The following KALRN variants were observed in gnomAD, a reference collection of about 807,000 sequenced individuals.
KALRN encodes the protein kalirin.
Under a neutral mutation model 353.7 loss-of-function variants are expected in KALRN, and 70 were observed. That is an observed-to-expected ratio of 0.20 (90% confidence interval 0.16 to 0.24). KALRN has a LOEUF of 0.24. Ranked by LOEUF, KALRN falls within the 10% of genes least tolerant of loss-of-function variation. The pLI is 1.00. For synonymous variants in KALRN, 1,391 were observed against 1,434.8 expected (o/e 0.97, Z 0.69); for missense variants, 2,791 against 3,756.7 (o/e 0.74, Z 6.72).
intron 1 of KALRN, among the ~76,000 whole-genome samples, chr3:124,130,045 C>G (rs2065106591): frequency 1.3e-5 from 2 of 152,182 alleles, no homozygotes; most frequent in South Asian, 4.1e-4. Flanking sequence ...TGAATAACAA[C>G]TCACTTACCT....
intron 37 of KALRN, among the ~76,000 whole-genome samples, chr3:124,642,053 G>A (rs979984315): frequency 3.9e-5 from 6 of 152,108 alleles, no homozygotes; most frequent in Admixed American, 1.3e-4. Flanking sequence ...AGGCCAAAGC[G>A]GGCAGATTGC....
At chr3:124,337,323 A>T (rs1165278719) in intron 9 of KALRN, among the ~76,000 whole-genome samples, 1 of 117,432 alleles carries the variant, frequency 8.5e-6, no homozygotes, top group African/African-American at 3.6e-5. Flanking sequence ...TTATTTTGAG[A>T]TACCTAGTTT....
intron 1 of KALRN, among the ~76,000 whole-genome samples, chr3:124,155,570 T>C (rs943778175): frequency 6.6e-5 from 10 of 152,278 alleles, no homozygotes; most frequent in African/African-American, 2.2e-4. Context: ...TTTAATAGAA[T>C]CATAGTATGA....
intron 1 of KALRN, among the ~76,000 whole-genome samples, chr3:124,108,957 T>G (rs1292275460): frequency 1.3e-5 from 2 of 152,170 alleles, no homozygotes; most frequent in Non-Finnish European, 2.9e-5. Flanking sequence ...TGCAGGTAAT[T>G]CAACCCAAAC....
At chr3:124,287,378 C>A (rs1377201902) in intron 5 of KALRN, among the ~76,000 whole-genome samples, 3 of 151,998 alleles carry the variant, frequency 2.0e-5, no homozygotes, top group African/African-American at 7.3e-5. Context: ...CATCTCCCTC[C>A]ACTGTAATAT....
chr3:124,048,901 T>G (rs1485874075), intron 1 of KALRN, among the ~76,000 whole-genome samples: 2 of 152,222 alleles, frequency 1.3e-5, no homozygotes, highest in Admixed American at 6.5e-5. Flanking sequence ...GTGTTTGTTC[T>G]GGGACATTAT....
At chr3:124,125,012 G>T (rs2064477917) in intron 1 of KALRN, among the ~76,000 whole-genome samples, 1 of 152,146 alleles carries the variant, frequency 6.6e-6, no homozygotes, top group Admixed American at 6.5e-5. Flanking sequence ...AACGTTGTAG[G>T]GACAAGGCAT....
chr3:124,588,570 G>A (rs578050201), intron 34 of KALRN, among the ~76,000 whole-genome samples: 6 of 152,168 alleles, frequency 3.9e-5, no homozygotes, highest in East Asian at 1.9e-4. Flanking sequence ...GACTACAGGC[G>A]TGCACCACCA....
At chr3:124,088,234 C>T (rs1299903061) in intron 1 of KALRN, among the ~76,000 whole-genome samples, 1 of 152,124 alleles carries the variant, frequency 6.6e-6, no homozygotes, top group African/African-American at 2.4e-5. Context: ...CTTTTTTCCT[C>T]AGTGCCGAGG....
At chr3:124,604,671 G>T (rs7628897) in intron 34 of KALRN, among the ~76,000 whole-genome samples, 90,594 of 151,740 alleles carry the variant, frequency 0.6, 27,239 homozygotes, top group East Asian at 0.83. Flanking sequence ...TTTTAATTTC[G>T]TTTAAAATTT....
At chr3:124,281,807 T>C (rs780469290) in intron 5 of KALRN, among the ~76,000 whole-genome samples, 3 of 152,220 alleles carry the variant, frequency 2.0e-5, no homozygotes, top group Non-Finnish European at 2.9e-5. Context: ...TACTCTGTGT[T>C]GACCAGAGAT....
intron 10 of KALRN, among the ~76,000 whole-genome samples, chr3:124,358,433 C>T (rs2083658939): frequency 6.6e-6 from 1 of 152,012 alleles, no homozygotes; most frequent in South Asian, 2.1e-4. Context: ...TAAGATTGGC[C>T]TTTTCCAAAG....
intron 3 of KALRN, among the ~76,000 whole-genome samples, chr3:124,235,300 A>G (rs983875593): frequency 1.3e-5 from 2 of 152,032 alleles, no homozygotes; most frequent in Admixed American, 6.5e-5. Flanking sequence ...TTTTTTTTCC[A>G]TGTATTAAAC....
intron 49 of KALRN, chr3:124,674,869 C>T: frequency 5.3e-6 from 2 of 378,770 alleles, no homozygotes; most frequent in Admixed American, 9.2e-5. Flanking sequence ...GTTCATTTTT[C>T]CCCCTTTCTC....
At chr3:124,377,821 A>T (rs554914321) in intron 10 of KALRN, among the ~76,000 whole-genome samples, 1 of 152,208 alleles carries the variant, frequency 6.6e-6, no homozygotes, top group East Asian at 1.9e-4. Context: ...TGGTAATGTT[A>T]TTCACTCTGC....
intron 51 of KALRN, among the ~76,000 whole-genome samples, chr3:124,689,251 G>A (rs2061700351): frequency 6.6e-6 from 1 of 152,070 alleles, no homozygotes; most frequent in South Asian, 2.1e-4. Flanking sequence ...CTGTTGCCCA[G>A]GCAACAGTTG....
intron 34 of KALRN, among the ~76,000 whole-genome samples, chr3:124,566,567 A>G (rs1376396986): frequency 6.6e-6 from 1 of 151,674 alleles, no homozygotes; most frequent in Non-Finnish European, 1.5e-5. Context: ...GCCCTTAACT[A>G]GACCCCATTT....
chr3:124,034,581 CT>C (rs1318242922), intron 1 of KALRN, among the ~76,000 whole-genome samples: 1 of 152,074 alleles, frequency 6.6e-6, no homozygotes, highest in East Asian at 1.9e-4. Flanking sequence ...CTTTGCGCCC[CT>C]GCCATCGTCC....
intron 9 of KALRN, among the ~76,000 whole-genome samples, chr3:124,336,159 C>T (rs1041980854): frequency 6.6e-6 from 1 of 152,134 alleles, no homozygotes; most frequent in Non-Finnish European, 1.5e-5. Context: ...GAAGAGTCCT[C>T]TTCTGACTGG....
Sources: allele counts gnomAD v4.1 joint callset (sites outside exome capture counted in the v4.1 genomes callset), GRCh38; gene constraint gnomAD v4.1.1; transcripts MANE v1.5; gene names NCBI Gene and HGNC (gene_info 2026-07-23, HGNC 2026-07-21).